The following ANK1 variants were observed in gnomAD, a reference collection of about 807,000 sequenced individuals.
ANK1 encodes the protein ankyrin-1.
Under a neutral mutation model 210.4 loss-of-function variants are expected in ANK1, and 51 were observed. The ratio of observed to expected loss-of-function variants is 0.24; its 90% CI spans 0.19 to 0.31. The LOEUF (loss-of-function observed/expected upper bound fraction) is 0.31. Among genes scored for constraint, ANK1 ranks in the 10% least tolerant of loss-of-function variants. ANK1 has a pLI of 1.00. For missense variants in ANK1, 2,051 were observed against 2,504.4 expected, an observed-to-expected ratio of 0.82 and a Z score of 3.86; for synonymous variants, 967 against 1,025.9, an observed-to-expected ratio of 0.94 and a Z score of 1.10.
chr8:41,818,815 T>C lies in ANK1; in HGVS notation c.127-60678A>G, dbSNP rs182747993. ...CAATTAAAGTGTGTCCTTGGTTGAA[T>C]TCTTTCAAACAAAAGAACAGTCCAC... On this transcript the variant is annotated intron_variant, in intron 1 of 42. Transcript: ENST00000265709. 2.5e-3 allele frequency among the ~76,000 whole-genome samples: 381 copies of C among 152,286 alleles called. 2 individuals are homozygous for C. The highest frequency in any genetic ancestry group is 8.8e-3 in the African/African-American group (366 of 41,554).
At chr8:41,740,178 T>TTG (rs57824500) in intron 2 of ANK1, among the ~76,000 whole-genome samples, 2 of 139,728 alleles carry the variant, frequency 1.4e-5, no homozygotes, top group African/African-American at 5.1e-5. Flanking sequence ...TTTTTTTTTT[T>TTG]AGATGGAGTT....
intron 15 of ANK1, among the ~76,000 whole-genome samples, 167 bp from the exon 16 acceptor site, chr8:41,714,421 A>G (rs906985709): frequency 6.6e-6 from 1 of 152,218 alleles, no homozygotes; most frequent in African/African-American, 2.4e-5. Context: ...GGCAGGACCC[A>G]GAGCCCTGTG....
upstream of ANK1, among the ~76,000 whole-genome samples, chr8:41,799,126 A>G (rs1253664912): frequency 2.6e-5 from 4 of 152,220 alleles, no homozygotes; most frequent in Non-Finnish European, 5.9e-5. Context: ...CTTAAGCAGG[A>G]GCCTTTTGAA....
chr8:41,819,423 A>C (rs1803842721), intron 1 of ANK1, among the ~76,000 whole-genome samples: 1 of 152,240 alleles, frequency 6.6e-6, no homozygotes, highest in African/African-American at 2.4e-5. Context: ...CAATGATTGA[A>C]GAGTTCATTC....
At chr8:41,703,788 C>A (rs1285040384) in intron 20 of ANK1, among the ~76,000 whole-genome samples, 1 of 152,042 alleles carries the variant, frequency 6.6e-6, no homozygotes. Flanking sequence ...ACTGCACTCA[C>A]ACTTAAGAAT....
intron 2 of ANK1, among the ~76,000 whole-genome samples, chr8:41,755,254 G>A (rs912249253): frequency 1.4e-4 from 22 of 152,256 alleles, no homozygotes; most frequent in Non-Finnish European, 2.4e-4. Context: ...AGAAGGCAGA[G>A]TGACAAGGCA....
In ANK1 at chr8:41,655,579, T is replaced by A. The variant is rs997683002; in HGVS notation, c.*211A>T. 2 of 914,026 alleles carry A rather than the reference T, an allele frequency of 2.2e-6. No individual in the cohort carries two copies. The highest frequency in any genetic ancestry group is 3.5e-6 in the Non-Finnish European group (2 of 577,902). 56.6% of individuals were successfully genotyped at this position (914,026 alleles called of 1,614,324 possible). On this transcript the variant is annotated 3_prime_UTR_variant, in exon 43 of 43. Coordinates refer to ENST00000289734, the MANE Select transcript of ANK1 (RefSeq NM_000037.4). ...AGGCAGGATTGAAGCCTGGAGGTCA[T>A]GCGTCTACAGTCAGTCATTCATGCC...
rs545922203 is a variant in ANK1 at position 41,790,215 on chromosome 8, C to T, written c.27+7297G>A. ...AGGCTGGAGTGCAATGGTGCGATCT[C>T]GGCTCACTGCAACCTCTGCCTCCTG... On this transcript the variant is annotated intron_variant, in intron 1 of 42. Coordinates refer to ENST00000289734, the MANE Select transcript of ANK1 (RefSeq NM_000037.4). Among the ~76,000 whole-genome samples the T allele has an allele frequency of 4.0e-3, 608 of 151,394 alleles. 4 individuals carry two copies. The highest frequency in any genetic ancestry group is 0.014 in the African/African-American group (569 of 41,206).
At chr8:41,696,830 G>T in intron 24 of ANK1, 57 bp from the exon 25 acceptor site, 2 of 1,491,342 alleles carry the variant, frequency 1.3e-6, no homozygotes, top group Non-Finnish European at 1.8e-6. Flanking sequence ...GCTGGATGCC[G>T]TGCCAGGGCG....
chr8:41,719,215 T>C (rs1828562816), intron 10 of ANK1, among the ~76,000 whole-genome samples: 1 of 151,996 alleles, frequency 6.6e-6, no homozygotes, highest in Non-Finnish European at 1.5e-5. Flanking sequence ...TTTACACGAG[T>C]GCCATGAGAA....
At chr8:41,783,959 G>A (rs900140458) in intron 1 of ANK1, among the ~76,000 whole-genome samples, 1 of 151,764 alleles carries the variant, frequency 6.6e-6, no homozygotes, top group African/African-American at 2.4e-5. Flanking sequence ...AGCTACAGGA[G>A]AATCACTTGA....
intron 1 of ANK1, among the ~76,000 whole-genome samples, chr8:41,782,670 AT>A (rs1255963759): frequency 6.6e-6 from 1 of 152,194 alleles, no homozygotes; most frequent in Non-Finnish European, 1.5e-5. Context: ...AATTCTAAGC[AT>A]TTTATTTGAA....
upstream of ANK1, among the ~76,000 whole-genome samples, chr8:41,801,027 A>G (rs79557212): frequency 7.6e-3 from 1,163 of 152,336 alleles, 24 homozygotes; most frequent in African/African-American, 0.027. Flanking sequence ...TTTTTGCTGC[A>G]ACGTCATGTT....
chr8:41,831,250 C>T (rs1166195550), intron 1 of ANK1, among the ~76,000 whole-genome samples: 1 of 152,202 alleles, frequency 6.6e-6, no homozygotes, highest in Non-Finnish European at 1.5e-5. Context: ...GTGTGGGCAG[C>T]TGCGGGCGCT....
At chr8:41,895,906 C>G (rs954912898) in intron 1 of ANK1, among the ~76,000 whole-genome samples, 1 of 152,068 alleles carries the variant, frequency 6.6e-6, no homozygotes, top group African/African-American at 2.4e-5. Flanking sequence ...GAGCTGCCCC[C>G]CCCCGGCCCG....
chr8:41,687,663 C>T (rs1445013488), intron 35 of ANK1, among the ~76,000 whole-genome samples: 5 of 152,226 alleles, frequency 3.3e-5, no homozygotes. Flanking sequence ...CCCCGTGTCT[C>T]CGTGTGTCTT....
At chr8:41,790,319 G>A (rs528494060) in intron 1 of ANK1, among the ~76,000 whole-genome samples, 3 of 152,148 alleles carry the variant, frequency 2.0e-5, no homozygotes, top group South Asian at 4.2e-4. Context: ...GCGAATTTTT[G>A]TATTTTTAGT....
chr8:41,693,724 T>C (rs1241181429), intron 29 of ANK1, among the ~76,000 whole-genome samples, 174 bp downstream of exon 29: 2 of 152,112 alleles, frequency 1.3e-5, no homozygotes, highest in Non-Finnish European at 2.9e-5. Context: ...CACATGGGCA[T>C]GGACTTTTAT....
chr8:41,862,638 G>T (rs969771236), intron 1 of ANK1, among the ~76,000 whole-genome samples: 1 of 150,524 alleles, frequency 6.6e-6, no homozygotes, highest in Non-Finnish European at 1.5e-5. Context: ...GCAGAGGAAG[G>T]GGTTGAGAGA....
Sources: allele counts gnomAD v4.1 joint callset (sites outside exome capture counted in the v4.1 genomes callset), GRCh38; gene constraint gnomAD v4.1.1; transcripts MANE v1.5; gene names NCBI Gene and HGNC (gene_info 2026-07-23, HGNC 2026-07-21).